ATAD2B: variants seen among roughly 807,000 people sequenced by gnomAD.
ATAD2B encodes ATPase family AAA domain containing 2B.
In ATAD2B, 40 loss-of-function variants were observed where a neutral mutation model predicts 167.6. That is an observed-to-expected ratio of 0.24 (90% CI 0.19 to 0.31). ATAD2B has a LOEUF of 0.31. Among genes scored for constraint, ATAD2B ranks in the 10% least tolerant of loss-of-function variants. ATAD2B has a pLI of 1.00. For synonymous variants in ATAD2B, 579 were observed against 596.5 expected (o/e 0.97, Z 0.43); for missense variants, 1,242 against 1,757.2 (o/e 0.71, Z 5.24).
At chr2:23,814,321 T>A (rs1333734923) in intron 17 of ATAD2B, among the ~76,000 whole-genome samples, 1 of 152,206 alleles carries the variant, frequency 6.6e-6, no homozygotes, top group East Asian at 1.9e-4. Context: ...TAGCCCTAAG[T>A]ATCAAACAAT....
At chr2:23,773,072 A>T (rs991017876) in intron 22 of ATAD2B, among the ~76,000 whole-genome samples, 1 of 152,214 alleles carries the variant, frequency 6.6e-6, no homozygotes, top group Admixed American at 6.5e-5. Context: ...GCCTATCATT[A>T]TAATTCTTTT....
intron 1 of ATAD2B, among the ~76,000 whole-genome samples, chr2:23,901,889 CA>C (rs891478628): frequency 2.8e-4 from 40 of 143,068 alleles, no homozygotes; most frequent in East Asian, 1.6e-3. Context: ...GAACTGAAGA[CA>C]AAAAAAAAAG....
rs538525069 is a variant in ATAD2B, at chr2:23,925,058, T to G, written c.216+1497A>C. On this transcript the variant is annotated intron_variant, in intron 1 of 27. Transcript: ENST00000238789. The stretch of plus-strand genomic sequence containing the variant: ...ACACCCTAAATATTTTCTTTGTCCT[T>G]AAATGTACAGAAAAGATCTTTTCTT... Among the ~76,000 whole-genome samples, 213 of 152,238 alleles carry G rather than the reference T, an allele frequency of 1.4e-3. 1 individual carries two copies. The highest frequency in any genetic ancestry group is 0.014 in the Middle Eastern group (4 of 294).
chr2:23,868,704 T>C (rs1695502276), intron 9 of ATAD2B, among the ~76,000 whole-genome samples: 1 of 152,218 alleles, frequency 6.6e-6, no homozygotes, highest in South Asian at 2.1e-4. Context: ...CTAAGCTTCA[T>C]CTTTTGTGTA....
At chr2:23,783,285 T>C (rs780818954) in intron 21 of ATAD2B, among the ~76,000 whole-genome samples, 1 of 136,894 alleles carries the variant, frequency 7.3e-6, no homozygotes, top group Non-Finnish European at 1.6e-5. Flanking sequence ...CCATGTCAGC[T>C]TTTTTTTTTT....
intron 13 of ATAD2B, among the ~76,000 whole-genome samples, chr2:23,834,615 A>C (rs1689633564): frequency 6.6e-6 from 1 of 152,208 alleles, no homozygotes; most frequent in Non-Finnish European, 1.5e-5. Context: ...CATCAAAATT[A>C]AAAACTTTTC....
At chr2:23,890,930 T>C (rs1171774293) in intron 2 of ATAD2B, among the ~76,000 whole-genome samples, 4 of 152,186 alleles carry the variant, frequency 2.6e-5, no homozygotes, top group African/African-American at 9.6e-5. Context: ...AGTCATAGAT[T>C]ATTGTCATCA....
chr2:23,833,893 A>G (rs770063824), intron 14 of ATAD2B, 26 bp downstream of exon 14: 34 of 1,560,758 alleles, frequency 2.2e-5, no homozygotes, highest in Non-Finnish European at 2.8e-5. Flanking sequence ...TATAAATGTT[A>G]ACATATTGAA....
intron 1 of ATAD2B, among the ~76,000 whole-genome samples, chr2:23,921,042 T>TA (rs1385749711): frequency 1.3e-5 from 2 of 151,484 alleles, no homozygotes; most frequent in South Asian, 2.1e-4. Flanking sequence ...CTGTCTCTAC[T>TA]AAAAAATACA....
At chr2:23,881,528 A>C (rs1697901890) in intron 6 of ATAD2B, among the ~76,000 whole-genome samples, 1 of 150,940 alleles carries the variant, frequency 6.6e-6, no homozygotes, top group African/African-American at 2.4e-5. Context: ...CGCCCGGCTC[A>C]TTTTTTGTAT....
chr2:23,734,326 T>A, the ATAD2B span, among the ~76,000 whole-genome samples: 1 of 152,020 alleles, frequency 6.6e-6, no homozygotes, highest in African/African-American at 2.4e-5. Flanking sequence ...CTGGCTAATT[T>A]TTTTGCATTT....
chr2:23,908,737 C>T (rs933358838), intron 1 of ATAD2B, among the ~76,000 whole-genome samples: 4 of 151,924 alleles, frequency 2.6e-5, no homozygotes, highest in African/African-American at 9.7e-5. Flanking sequence ...GGAACCAACC[C>T]AAATGTCCAA....
chr2:23,917,126 C>T (rs938822187), intron 1 of ATAD2B, among the ~76,000 whole-genome samples: 2 of 152,202 alleles, frequency 1.3e-5, no homozygotes, highest in African/African-American at 4.8e-5. Context: ...AATGTTTGCC[C>T]ACATGGCACT....
At position 23,926,487 on chromosome 2, in the gene ATAD2B, G is replaced by T; in HGVS notation, c.216+68C>A. 2.0e-6 allele frequency: 3 copies of T among 1,506,040 alleles called. No individual in the cohort carries two copies. In the East Asian group the frequency reaches 7.5e-5, roughly 38 times the overall value. The allele number at this position is 1,506,040 out of a possible 1,614,324, so 93.3% of individuals were successfully genotyped here. ...CTGTAGGCTTCCTACCCCCAACCCG[G>T]CCAGACAAAGCCCCGGCAGCAGGGC... On this transcript the variant is annotated intron_variant, in intron 1 of 27. Transcript: ENST00000238789.
At chr2:23,881,326 G>A (rs190982142) in intron 6 of ATAD2B, among the ~76,000 whole-genome samples, 4 of 148,718 alleles carry the variant, frequency 2.7e-5, no homozygotes, top group Admixed American at 2.7e-4. Context: ...TAGGGTATTG[G>A]TAATAGTTTA....
chr2:23,720,580 A>AAG, the ATAD2B span, among the ~76,000 whole-genome samples: 1 of 149,848 alleles, frequency 6.7e-6, no homozygotes, highest in Non-Finnish European at 1.5e-5. Context: ...CTCCGTCTCA[A>AAG]AAAAAAAAAA....
At chr2:23,708,780 A>T in the ATAD2B span, among the ~76,000 whole-genome samples, 1 of 152,182 alleles carries the variant, frequency 6.6e-6, no homozygotes, top group Non-Finnish European at 1.5e-5. Context: ...AAAAGCCAAG[A>T]AGACAATTGA....
At chr2:23,706,323 T>C in the ATAD2B span, among the ~76,000 whole-genome samples, 78 of 151,842 alleles carry the variant, frequency 5.1e-4, no homozygotes, top group Non-Finnish European at 7.9e-4. Flanking sequence ...GTTTTTCTTA[T>C]GCCAGCCCAG....
intron 9 of ATAD2B, among the ~76,000 whole-genome samples, chr2:23,868,463 G>A (rs899457484): frequency 1.3e-5 from 2 of 152,110 alleles, no homozygotes; most frequent in African/African-American, 4.8e-5. Context: ...ACTACACCTG[G>A]CTGATTTTTT....
Sources: gnomAD v4.1 joint callset for allele counts (sites outside exome capture counted in the v4.1 genomes callset) on GRCh38, gnomAD v4.1.1 for gene constraint, MANE v1.5 for transcripts, NCBI Gene and HGNC (gene_info 2026-07-23, HGNC 2026-07-21) for gene names.